The following TMC7 variants were observed in gnomAD, a reference collection of about 807,000 sequenced individuals.
TMC7 encodes the protein transmembrane channel like 7, also known as transmembrane channel-like protein 7.
In TMC7, 54 loss-of-function variants were observed where a neutral mutation model predicts 82.9. The observed-to-expected ratio is 0.65, with a 90% CI of 0.52 to 0.82. The LOEUF (loss-of-function observed/expected upper bound fraction) is 0.82, where lower values mean the gene tolerates loss of function less well. Ranked by LOEUF, TMC7 falls within the 40% of genes least tolerant of loss-of-function variation. The probability of loss-of-function intolerance (pLI) is 0.00; values close to 1 mark genes in which losing one functional copy is unlikely to be tolerated. For synonymous variants in TMC7, 350 were observed against 337.9 expected (o/e 1.04, Z -0.39); for missense variants, 820 against 901.2 (o/e 0.91, Z 1.15).
intron 6 of TMC7, 140 bp downstream of exon 6, chr16:19,030,509 T>G: frequency 1.1e-6 from 1 of 936,232 alleles, no homozygotes; most frequent in Non-Finnish European, 1.5e-6. Context: ...TGTGAGTCCA[T>G]TGGCAGCTGA....
chr16:19,015,960 G>C (rs1178217137), intron 2 of TMC7, among the ~76,000 whole-genome samples: 5 of 152,148 alleles, frequency 3.3e-5, no homozygotes, highest in African/African-American at 1.2e-4. Flanking sequence ...TGGTTATTCT[G>C]TTTGACATTT....
intron 14 of TMC7, among the ~76,000 whole-genome samples, chr16:19,059,160 G>A (rs1407888055): frequency 1.3e-5 from 2 of 152,158 alleles, no homozygotes; most frequent in African/African-American, 2.4e-5. Context: ...TTACAGGTGT[G>A]AGCCACTGCG....
intron 1 of TMC7, among the ~76,000 whole-genome samples, chr16:18,990,676 G>T (rs181357941): frequency 1.3e-5 from 2 of 152,176 alleles, no homozygotes; most frequent in Non-Finnish European, 2.9e-5. Context: ...TGGTATAGGC[G>T]GTGGAGTTAA....
chr16:19,047,336 C>A, intron 12 of TMC7, 87 bp downstream of exon 12: 2 of 1,116,742 alleles, frequency 1.8e-6, no homozygotes, highest in Non-Finnish European at 1.3e-6. Context: ...CACCTCACAT[C>A]CCATGAGACG....
chr16:18,996,359 A>G (rs916521743), intron 1 of TMC7, among the ~76,000 whole-genome samples: 3 of 152,168 alleles, frequency 2.0e-5, no homozygotes, highest in African/African-American at 7.2e-5. Context: ...AGCAATGTGT[A>G]AAAGAATGCC....
intron 12 of TMC7, among the ~76,000 whole-genome samples, chr16:19,048,137 A>AT (rs113659581): frequency 0.046 from 6,337 of 137,728 alleles, 185 homozygotes; most frequent in South Asian, 0.13. Flanking sequence ...GTTTTTTTGA[A>AT]TTTTTTTTTT....
At chr16:19,009,935 C>T (rs1439920720) in intron 2 of TMC7, among the ~76,000 whole-genome samples, 2 of 123,756 alleles carry the variant, frequency 1.6e-5, no homozygotes, top group Non-Finnish European at 3.4e-5. Context: ...AGTGAGACTC[C>T]AGCTCAAAAA....
chr16:19,005,335 G>A lies in TMC7; in HGVS notation c.68-3837G>A, dbSNP rs185717031. 2.9e-3 allele frequency among the ~76,000 whole-genome samples: 441 copies of A among 152,234 alleles called. 6 individuals are homozygous for A. The highest frequency in any genetic ancestry group is 9.9e-3 in the African/African-American group (410 of 41,548). On this transcript the variant is annotated intron_variant, in intron 1 of 15. Transcript: ENST00000304381. ...GATCTCCTGACCTCGTGATCCACTC[G>A]CCTCGGCCTCCCAAAGTGCTGGGAT...
chr16:19,024,127 C>T (rs533795435), intron 5 of TMC7, among the ~76,000 whole-genome samples: 2 of 152,274 alleles, frequency 1.3e-5, no homozygotes, highest in African/African-American at 4.8e-5. Context: ...TTTTTATTAT[C>T]GCCTTCTAAA....
rs527741851 is a variant in TMC7, at chr16:19,032,732, A to T, written c.857+2363A>T. ...AACCTCTGCCTTCCGGGTTCAAGCA[A>T]TTCTTCTGCCTCAGCCTCCCAAGTA... On this transcript the variant is annotated intron_variant, in intron 6 of 15. Transcript: ENST00000304381. 7.6e-4 allele frequency among the ~76,000 whole-genome samples: 116 copies of T among 152,104 alleles called. 1 individual carries two copies. Among genetic ancestry groups the T allele is most frequent in the African/African-American group, 2.6e-3 (107 of 41,510 alleles).
At chr16:18,999,815 G>A (rs2039109650) in intron 1 of TMC7, among the ~76,000 whole-genome samples, 1 of 152,160 alleles carries the variant, frequency 6.6e-6, no homozygotes, top group Non-Finnish European at 1.5e-5. Flanking sequence ...CCAGGCTGGA[G>A]TGCAGTGGCG....
intron 13 of TMC7, among the ~76,000 whole-genome samples, chr16:19,053,642 A>T (rs1345265889): frequency 6.6e-6 from 1 of 152,188 alleles, no homozygotes; most frequent in Non-Finnish European, 1.5e-5. Context: ...ACCGCAGGTA[A>T]TCTGACTGCC....
In TMC7 at chr16:19,053,012, C is replaced by T. The variant is rs78259224; in HGVS notation, c.1871+1196C>T. 2.4e-3 allele frequency among the ~76,000 whole-genome samples: 361 copies of T among 152,290 alleles called. 2 individuals carry two copies. The highest frequency in any genetic ancestry group is 8.5e-3 in the African/African-American group (352 of 41,580). The stretch of plus-strand genomic sequence containing the variant: ...ACAGACATGAGCTACCATGCTTGAC[C>T]AGATTTTATTCTTTTTTAACACTTT... On this transcript the variant is annotated intron_variant, in intron 13 of 15. Coordinates refer to ENST00000304381, the MANE Select transcript of TMC7 (RefSeq NM_024847.4).
chr16:19,015,371 C>T (rs60887524), intron 2 of TMC7, among the ~76,000 whole-genome samples: 2,163 of 151,998 alleles, frequency 0.014, 55 homozygotes, highest in African/African-American at 0.05. Context: ...AAGCAATCCT[C>T]CTGCCTCAGC....
At chr16:19,038,634 AG>A (rs1367395816) in intron 8 of TMC7, among the ~76,000 whole-genome samples, 2 of 152,038 alleles carry the variant, frequency 1.3e-5, no homozygotes, top group Non-Finnish European at 2.9e-5. Context: ...CTCATGCCTC[AG>A]CCTCCCTAGT....
At chr16:18,989,355 T>A (rs967892071) in intron 1 of TMC7, among the ~76,000 whole-genome samples, 1 of 152,186 alleles carries the variant, frequency 6.6e-6, no homozygotes, top group Non-Finnish European at 1.5e-5. Context: ...GACTGACCTC[T>A]GCCCAGCAAC....
Position 19,009,168 on chromosome 16 carries a change from A to G in TMC7, c.68-4A>G, listed in dbSNP as rs1263734410. ...GAATGATGACTTTCTTTTCTTTTAC[A>G]TAGAGAACCTCTCTCTAGACTCCAG... On this transcript the variant is annotated splice_polypyrimidine_tract_variant and splice_region_variant and intron_variant, in intron 1 of 15. Coordinates refer to ENST00000304381, the MANE Select transcript of TMC7 (RefSeq NM_024847.4). 6.2e-7 allele frequency: 1 copy of G among 1,612,000 alleles called. No individual in the cohort carries two copies. The highest frequency in any genetic ancestry group is 1.1e-5 in the South Asian group (1 of 90,986).
intron 8 of TMC7, 83 bp downstream of exon 8, chr16:19,038,130 TA>T: frequency 1.5e-6 from 2 of 1,365,230 alleles, no homozygotes; most frequent in Non-Finnish European, 2.0e-6. Context: ...ATTTCTGTTT[TA>T]CATATGGAGA....
At chr16:19,052,587 G>T (rs1196902660) in intron 13 of TMC7, among the ~76,000 whole-genome samples, 3 of 152,134 alleles carry the variant, frequency 2.0e-5, no homozygotes, top group Non-Finnish European at 4.4e-5. Context: ...CCAGGTGGGG[G>T]TACTGGTTGA....
Sources: allele counts gnomAD v4.1 joint callset (sites outside exome capture counted in the v4.1 genomes callset), GRCh38; gene constraint gnomAD v4.1.1; transcripts MANE v1.5; gene names NCBI Gene and HGNC (gene_info 2026-07-23, HGNC 2026-07-21).